The following DSCAM variants were observed in gnomAD, a reference collection of about 807,000 sequenced individuals.
DSCAM encodes DS cell adhesion molecule.
A neutral mutation model predicts 217.7 loss-of-function variants in DSCAM; 47 were observed. That is an observed-to-expected ratio of 0.22 (90% CI 0.17 to 0.28). DSCAM has a LOEUF of 0.28. DSCAM is among the 10% of genes least tolerant of loss of function. The pLI is 1.00. For missense variants in DSCAM, 2,080 were observed against 2,618.3 expected (o/e 0.79, Z 4.49); for synonymous variants, 1,056 against 1,015.3 (o/e 1.04, Z -0.76).
intron 1 of DSCAM, among the ~76,000 whole-genome samples, chr21:40,825,701 G>T (rs1364433585): frequency 6.6e-6 from 1 of 152,064 alleles, no homozygotes; most frequent in African/African-American, 2.4e-5. Context: ...TACATGGGTA[G>T]TCAACAAAGA....
chr21:40,683,014 A>G (rs775956915), intron 3 of DSCAM, among the ~76,000 whole-genome samples: 11 of 152,202 alleles, frequency 7.2e-5, no homozygotes, highest in Non-Finnish European at 1.3e-4. Flanking sequence ...TGAGAAAGTC[A>G]GTCATGTAAG....
intron 11 of DSCAM, among the ~76,000 whole-genome samples, chr21:40,266,635 T>TTA (rs71186923): frequency 0.14 from 9,008 of 62,332 alleles, 601 homozygotes; most frequent in Admixed American, 0.18. Flanking sequence ...CAAAGATGTT[T>TTA]TATATATATA....
In DSCAM at chr21:40,193,355, C is replaced by T. The variant is rs57055280; in HGVS notation, c.2357-4117G>A. Among the ~76,000 whole-genome samples the T allele has an allele frequency of 2.2e-4, 33 of 151,988 alleles. No homozygotes were observed. In the South Asian group the frequency reaches 3.3e-3, roughly 15 times the overall value. On this transcript the variant is annotated intron_variant, in intron 11 of 32. Coordinates refer to ENST00000400454, the MANE Select transcript of DSCAM (RefSeq NM_001389.5). ...CCACTAATCAAGATTTTTTCTCATA[C>T]GGGAAAGAGGCTAACTCAAGATAAT...
chr21:40,603,925 C>CT lies in DSCAM; in HGVS notation c.508+88884dup, dbSNP rs3070814. 2.5e-3 allele frequency among the ~76,000 whole-genome samples: 239 copies of CT among 97,300 alleles called. 5 individuals carry two copies. The highest frequency in any genetic ancestry group is 8.7e-3 in the African/African-American group (217 of 25,054). 63.8% of individuals were successfully genotyped at this position (97,300 alleles called of 152,430 possible). ...CCTAGGTGTAGACTTTTTTGCATTTCTTTTTTTTTTTTTTTTTTTTCTGAG... is the reference window on the plus strand; with the variant it reads ...CCTAGGTGTAGACTTTTTTGCATTTCTTTTTTTTTTTTTTTTTTTTTCTGAG... On this transcript the variant is annotated intron_variant, in intron 3 of 32. Transcript: ENST00000400454.
intron 16 of DSCAM, among the ~76,000 whole-genome samples, chr21:40,165,418 A>G (rs1004411312): frequency 3.9e-5 from 6 of 152,206 alleles, no homozygotes. Context: ...CTGCCTGCTG[A>G]CAGGCCATGC....
chr21:40,750,442 T>C (rs982745912), intron 1 of DSCAM, among the ~76,000 whole-genome samples: 2 of 152,192 alleles, frequency 1.3e-5, no homozygotes, highest in African/African-American at 4.8e-5. Flanking sequence ...TACTTCCTGA[T>C]TTCTACGTTT....
At chr21:40,290,795 T>C (rs2073882579) in intron 10 of DSCAM, among the ~76,000 whole-genome samples, 1 of 152,088 alleles carries the variant, frequency 6.6e-6, no homozygotes, top group African/African-American at 2.4e-5. Context: ...GAACAAACCA[T>C]TGCAAACCAG....
chr21:40,105,191 A>C (rs1258693531), intron 20 of DSCAM, among the ~76,000 whole-genome samples: 3 of 152,200 alleles, frequency 2.0e-5, no homozygotes, highest in Non-Finnish European at 4.4e-5. Flanking sequence ...GGCCATCTGC[A>C]TTTTACCAGT....
In DSCAM at chr21:40,144,580, A is replaced by T; in HGVS notation, c.3170T>A (p.Phe1057Tyr). 2 of 1,614,118 alleles carry T rather than the reference A, an allele frequency of 1.2e-6. No homozygotes were observed. The highest frequency in any genetic ancestry group is 4.5e-5 in the East Asian group (2 of 44,854). Residue 1057 changes from phenylalanine (F) to tyrosine (Y), a missense_variant, in exon 17 of 33, where the codon TTC becomes TAC. By Grantham distance (22) the Phe-to-Tyr change is conservative (BLOSUM62 3). Coordinates refer to ENST00000400454, the MANE Select transcript of DSCAM (RefSeq NM_001389.5). This position sits in a 1 kb window ranked among gnomAD's most constrained non-coding sequence, Gnocchi z 4.8. Reference sequence around the variant, plus strand: ...CTGCACCACCAGGCCGTACTGAGTGAACTTATTCAGGTTGTCCAGGGTGTA... The same window carrying T: ...CTGCACCACCAGGCCGTACTGAGTGTACTTATTCAGGTTGTCCAGGGTGTA... ...EVYTLDNLNK[F>Y]TQYGLVVQAC...
intron 1 of DSCAM, among the ~76,000 whole-genome samples, chr21:40,816,825 A>G (rs1217712637): frequency 6.6e-6 from 1 of 152,188 alleles, no homozygotes; most frequent in Admixed American, 6.5e-5. Flanking sequence ...AGACCCAAAT[A>G]ATATTTCTAA....
At chr21:40,129,381 T>C (rs2090131797) in intron 19 of DSCAM, among the ~76,000 whole-genome samples, 1 of 152,244 alleles carries the variant, frequency 6.6e-6, no homozygotes, top group African/African-American at 2.4e-5. Flanking sequence ...GTGTTCATTC[T>C]TTAAATGTTT....
intron 11 of DSCAM, among the ~76,000 whole-genome samples, chr21:40,204,311 G>A (rs1421502276): frequency 1.3e-5 from 2 of 152,176 alleles, no homozygotes; most frequent in East Asian, 1.9e-4. Flanking sequence ...GCGTGGATGT[G>A]GATGTGTGTT....
chr21:40,218,365 T>C (rs1673387518), intron 11 of DSCAM, among the ~76,000 whole-genome samples: 1 of 152,170 alleles, frequency 6.6e-6, no homozygotes, highest in South Asian at 2.1e-4. Flanking sequence ...CCTGTTTTTG[T>C]ACCATTACCA....
intron 1 of DSCAM, among the ~76,000 whole-genome samples, chr21:40,751,149 T>A (rs1416011120): frequency 1.3e-5 from 2 of 152,056 alleles, no homozygotes; most frequent in Non-Finnish European, 1.5e-5. Context: ...AAAGCCCTCT[T>A]CCACCCCCGC....
intron 16 of DSCAM, among the ~76,000 whole-genome samples, chr21:40,163,509 C>T (rs2090562955): frequency 6.6e-6 from 1 of 152,054 alleles, no homozygotes; most frequent in Non-Finnish European, 1.5e-5. Flanking sequence ...TGGGGTAGCA[C>T]TTTAATTAGC....
chr21:40,677,385 G>C (rs2090352237), intron 3 of DSCAM, among the ~76,000 whole-genome samples: 1 of 151,902 alleles, frequency 6.6e-6, no homozygotes. Flanking sequence ...GTTAATCTGG[G>C]TAAGGACAAG....
At chr21:40,504,657 C>T (rs986420973) in intron 3 of DSCAM, among the ~76,000 whole-genome samples, 1 of 152,120 alleles carries the variant, frequency 6.6e-6, no homozygotes, top group African/African-American at 2.4e-5. Flanking sequence ...GTTTAAGACC[C>T]GAGCTGTGCA....
At chr21:40,332,780 T>C (rs2074390591) in intron 8 of DSCAM, among the ~76,000 whole-genome samples, 1 of 152,100 alleles carries the variant, frequency 6.6e-6, no homozygotes, top group Non-Finnish European at 1.5e-5. Flanking sequence ...CCATCAATAA[T>C]AAGCATATTA....
chr21:40,796,113 GT>G (rs1281699928), intron 1 of DSCAM, among the ~76,000 whole-genome samples: 1 of 152,204 alleles, frequency 6.6e-6, no homozygotes, highest in Non-Finnish European at 1.5e-5. Context: ...ATGGAAAAGT[GT>G]GTTCTTGTCC....
Sources: allele counts gnomAD v4.1 joint callset (sites outside exome capture counted in the v4.1 genomes callset), GRCh38; gene constraint gnomAD v4.1.1; non-coding constraint Gnocchi (gnomAD v3.1); transcripts MANE v1.5; gene names NCBI Gene and HGNC (gene_info 2026-07-23, HGNC 2026-07-21).